Variants in SMCHD1 observed in about 807,000 individuals in gnomAD.
SMCHD1 encodes the protein structural maintenance of chromosomes flexible hinge domain containing 1, also known as structural maintenance of chromosomes flexible hinge domain-containing protein 1.
Under a neutral mutation model 254.7 loss-of-function variants are expected in SMCHD1, and 78 were observed. That is an observed-to-expected ratio of 0.31 (90% CI 0.26 to 0.37). The LOEUF is 0.37. SMCHD1 is among the 10% of genes least tolerant of loss of function. SMCHD1 has a pLI of 1.00. For missense variants in SMCHD1, 1,840 were observed against 2,408.1 expected (o/e 0.76, Z 4.94); for synonymous variants, 766 against 794.9 (o/e 0.96, Z 0.61).
At chr18:2,755,547 T>C (rs1353242818) in intron 34 of SMCHD1, among the ~76,000 whole-genome samples, 5 of 144,642 alleles carry the variant, frequency 3.5e-5, no homozygotes, top group African/African-American at 1.3e-4. Context: ...TTTTTGTGTA[T>C]TTTCTTTTTC....
At chr18:2,690,646 CTTTTT>C (rs71365194) in intron 7 of SMCHD1, among the ~76,000 whole-genome samples, 1 of 133,594 alleles carries the variant, frequency 7.5e-6, no homozygotes, top group Admixed American at 7.6e-5. Context: ...TAATTTTTTT[CTTTTT>C]TTTTTTTTTT....
At chr18:2,795,091 G>T (rs1042112012) in intron 45 of SMCHD1, among the ~76,000 whole-genome samples, 4 of 150,860 alleles carry the variant, frequency 2.7e-5, no homozygotes, top group African/African-American at 9.8e-5. Flanking sequence ...ACGGAGTCTC[G>T]CTCTGTCACC....
Position 2,656,114 on chromosome 18 carries a change from T to A in SMCHD1, c.39T>A (p.Ser13=), listed in dbSNP as rs542458925. The A allele has an allele frequency of 1.4e-6, 2 of 1,459,062 alleles. No individual in the cohort carries two copies. Among genetic ancestry groups the A allele is most frequent in the South Asian group, 1.4e-5 (1 of 70,038 alleles). The allele number at this position is 1,459,062 out of a possible 1,614,324, so 90.4% of individuals were successfully genotyped here. The change falls in exon 1 of 48, where the codon TCT becomes TCA. Residue 13 remains serine, a synonymous_variant. Transcript: ENST00000320876. ...AADGGGPGGA[S]VGTEEDGGGV... is the part of the protein sequence containing the mutation. ...ACGGCGGCGGGCCTGGTGGGGCCTC[T>A]GTGGGGACTGAGGAGGATGGCGGAG...
rs1414119028 is a variant in SMCHD1 at position 2,656,253 on chromosome 18, G to T, written c.178G>T (p.Val60Leu). 2.0e-6 allele frequency: 3 copies of T among 1,494,970 alleles called. No individual in the cohort carries two copies. Among genetic ancestry groups the T allele is most frequent in the Non-Finnish European group, 2.6e-6 (3 of 1,132,660 alleles). The allele number at this position is 1,494,970 out of a possible 1,614,324, so 92.6% of individuals were successfully genotyped here. A position where few individuals can be genotyped will look rare whatever the true frequency, so the allele number is the denominator to read the frequency against. The change falls in exon 1 of 48, where the codon GTG becomes TTG. Residue 60 changes from valine to leucine, a missense_variant. Coordinates refer to ENST00000320876, the MANE Select transcript of SMCHD1 (RefSeq NM_015295.3). ...GGACTACGCGGGATTTCGCGCGTGT[G>T]TGTGTCAGGTACGCGAAGGGGCGAG... Reference protein sequence around the residue: ...RSDYAGFRACVCQTLGISPEE... With the variant: ...RSDYAGFRACLCQTLGISPEE...
chr18:2,728,529 T>G lies in SMCHD1; in HGVS notation c.2846T>G (p.Phe949Cys). ...LVIENGTAFP[F>C]QVEVLDESDN... ...ATAGAAAATGGAACAGCTTTCCCAT[T>G]TCAGGTGGAAGTTTTAGATGAATCA... The change falls in exon 23 of 48, where the codon TTT (phenylalanine) becomes TGT (cysteine). Residue 949 changes from phenylalanine to cysteine, a missense_variant. Around this residue, in one of 9 missense-constraint regions of SMCHD1, gnomAD observed 881 missense variants for 1,009.5 expected, o/e 0.87. Coordinates refer to ENST00000320876, the MANE Select transcript of SMCHD1 (RefSeq NM_015295.3). 1 of 1,613,242 alleles carries G rather than the reference T, an allele frequency of 6.2e-7. No homozygotes were observed. Among genetic ancestry groups the G allele is most frequent in the South Asian group, 1.1e-5 (1 of 90,990 alleles).
chr18:2,667,883 CTTTTTTTG>C (rs1337687080), intron 3 of SMCHD1, among the ~76,000 whole-genome samples: 2 of 151,692 alleles, frequency 1.3e-5, no homozygotes, highest in Non-Finnish European at 2.9e-5. Context: ...TATTCTTTTT[CTTTTTTTG>C]TTTTTTGAGA....
intron 45 of SMCHD1, among the ~76,000 whole-genome samples, chr18:2,787,079 A>T (rs2076252178): frequency 6.6e-6 from 1 of 152,222 alleles, no homozygotes; most frequent in South Asian, 2.1e-4. Flanking sequence ...TTCTGGCTGA[A>T]AAGTTCAAGA....
chr18:2,691,476 T>C lies in SMCHD1; in HGVS notation c.873+2729T>C, dbSNP rs1364035470. Among the ~76,000 whole-genome samples, 7 of 152,342 alleles carry C rather than the reference T, an allele frequency of 4.6e-5. 1 individual carries two copies. The highest frequency in any genetic ancestry group is 4.6e-4 in the Admixed American group (7 of 15,300). ...TCAGAATGTGGGTGGAATTGGTGGT[T>C]CTTGTTCTATAGTCAACAGTCTTAC... On this transcript the variant is annotated intron_variant, in intron 7 of 47. Coordinates refer to ENST00000320876, the MANE Select transcript of SMCHD1 (RefSeq NM_015295.3).
chr18:2,680,164 T>G (rs1379182146), intron 5 of SMCHD1, among the ~76,000 whole-genome samples: 2 of 152,234 alleles, frequency 1.3e-5, no homozygotes, highest in African/African-American at 4.8e-5. Context: ...TAGCCGAGCT[T>G]CTTCTGCCAC....
At chr18:2,726,318 G>A (rs529271722) in intron 21 of SMCHD1, 134 bp from the exon 22 acceptor site, 37 of 449,302 alleles carry the variant, frequency 8.2e-5, no homozygotes, top group African/African-American at 7.5e-4. Context: ...GATAATTTTA[G>A]TAAGTATAAA....
intron 24 of SMCHD1, among the ~76,000 whole-genome samples, chr18:2,731,252 G>C (rs2075133564): frequency 6.6e-6 from 1 of 152,198 alleles, no homozygotes; most frequent in Non-Finnish European, 1.5e-5. Context: ...AGTTAAGTAA[G>C]ATTATAAAGG....
chr18:2,680,852 C>T (rs1240953379), intron 5 of SMCHD1, among the ~76,000 whole-genome samples: 1 of 152,188 alleles, frequency 6.6e-6, no homozygotes, highest in African/African-American at 2.4e-5. Context: ...CAGGCATTCT[C>T]ATTACTTTCA....
rs1438991835 is a variant in SMCHD1 at position 2,803,454 on chromosome 18, T to G, written c.*902T>G. ...GTATATTAACCTAATGTATGTCATA[T>G]ATATGTCTTTGTGTAAGTTCAAGAC... On this transcript the variant is annotated 3_prime_UTR_variant, in exon 48 of 48. Coordinates refer to ENST00000320876, the MANE Select transcript of SMCHD1 (RefSeq NM_015295.3). The G allele has an allele frequency of 6.6e-6, 1 of 152,038 alleles. No homozygotes were observed. The highest frequency in any genetic ancestry group is 1.5e-5 in the Non-Finnish European group (1 of 67,956). The allele number at this position is 152,038 out of a possible 1,614,324, so 9.4% of individuals were successfully genotyped here.
At chr18:2,722,207 G>T (rs1050844091) in intron 19 of SMCHD1, among the ~76,000 whole-genome samples, 1 of 152,062 alleles carries the variant, frequency 6.6e-6, no homozygotes, top group South Asian at 2.1e-4. Flanking sequence ...GCCTGGGGAG[G>T]CAGGTAGATA....
chr18:2,746,738 G>GT (rs111947084), intron 29 of SMCHD1, among the ~76,000 whole-genome samples: 154 of 151,470 alleles, frequency 1.0e-3, no homozygotes, highest in African/African-American at 3.1e-3. Context: ...TGATAAATCA[G>GT]TTTTTTTTTG....
intron 29 of SMCHD1, among the ~76,000 whole-genome samples, chr18:2,744,680 T>A (rs1376952447): frequency 6.6e-6 from 1 of 152,224 alleles, no homozygotes; most frequent in East Asian, 1.9e-4. Flanking sequence ...AGTAATATAC[T>A]ATTAACTGTA....
intron 30 of SMCHD1, among the ~76,000 whole-genome samples, chr18:2,748,345 T>G (rs2075499510): frequency 1.0e-4 from 1 of 9,912 alleles, no homozygotes; most frequent in Non-Finnish European, 4.6e-4. Flanking sequence ...TGCAAAGTTG[T>G]GTGTGTGTGT....
Position 2,673,331 on chromosome 18 carries a change from A to C in SMCHD1, c.475A>C (p.Asn159His). The C allele has an allele frequency of 1.3e-6, 2 of 1,584,324 alleles. No homozygotes were observed. The stretch of plus-strand genomic sequence containing the variant: ...CAATTCATTGTCTGCTACTTCTCGT[A>C]ACATTGGGGTTAGAAGAATACAGAT... The part of the protein sequence containing the change: ...IDNSLSATSR[N>H]IGVRRIQIKL... The change falls in exon 4 of 48, where the codon AAC becomes CAC. Residue 159 changes from asparagine (N) to histidine (H), a missense_variant. By Grantham distance (68) the Asn-to-His change is moderately conservative (BLOSUM62 1). Transcript: ENST00000320876.
At chr18:2,702,569 G>C (rs2074427522) in intron 12 of SMCHD1, among the ~76,000 whole-genome samples, 1 of 152,014 alleles carries the variant, frequency 6.6e-6, no homozygotes, top group African/African-American at 2.4e-5. Flanking sequence ...ATGTCAGCTG[G>C]CAAACTGACA....
Sources: allele counts gnomAD v4.1 joint callset (sites outside exome capture counted in the v4.1 genomes callset), GRCh38; gene constraint gnomAD v4.1.1; regional missense constraint gnomAD v4.1.1; transcripts MANE v1.5; gene names NCBI Gene and HGNC (gene_info 2026-07-23, HGNC 2026-07-21).